Variants in TPCN2 observed in about 807,000 individuals in gnomAD.
The protein encoded by TPCN2 is two pore channel protein 2.
Under a neutral mutation model 111.4 loss-of-function variants are expected in TPCN2, and 92 were observed. That is an observed-to-expected ratio of 0.83 (90% CI 0.70 to 0.98). TPCN2 has a LOEUF of 0.98. Ranked by LOEUF, TPCN2 falls within the 50% of genes least tolerant of loss-of-function variation. The probability of loss-of-function intolerance (pLI) is 0.00; values close to 1 mark genes in which losing one functional copy is unlikely to be tolerated. For synonymous variants in TPCN2, 405 were observed against 414.5 expected, an observed-to-expected ratio of 0.98 and a Z score of 0.28; for missense variants, 995 against 980.1, an observed-to-expected ratio of 1.02 and a Z score of -0.20.
rs770473932 is a variant in TPCN2, at chr11:69,087,258, A to G, written c.2180+52A>G. ...TCTGGCCCCCTGGGATGGGAAGCCA[A>G]GAGCTGGGGGGTGGAGGGGTTGAGG... is the stretch of plus-strand genomic sequence containing the variant. On this transcript the variant is annotated intron_variant, in intron 24 of 24. Coordinates refer to ENST00000294309, the MANE Select transcript of TPCN2 (RefSeq NM_139075.4). 9.0e-6 allele frequency: 14 copies of G among 1,547,146 alleles called. 1 individual carries two copies. In the South Asian group the frequency reaches 1.4e-4, roughly 15 times the overall value.
At chr11:69,053,947 C>A in intron 1 of TPCN2, 86 bp from the exon 2 acceptor site, 1 of 1,187,590 alleles carries the variant, frequency 8.4e-7, no homozygotes, top group Non-Finnish European at 1.2e-6. Context: ...GAACCACAGC[C>A]GGCATCTTTC....
intron 20 of TPCN2, 75 bp downstream of exon 20, chr11:69,085,361 T>G: frequency 7.2e-7 from 1 of 1,391,120 alleles, no homozygotes; most frequent in Non-Finnish European, 1.0e-6. Flanking sequence ...GGCGGTGGCC[T>G]CAGTGGGCTC....
In TPCN2 at chr11:69,088,029, G is replaced by A. The variant is rs1390394188; in HGVS notation, c.*76G>A. On this transcript the variant is annotated 3_prime_UTR_variant, in exon 25 of 25. Transcript: ENST00000294309. The stretch of plus-strand genomic sequence containing the variant: ...CACAGGTGCCCGTCATGGAAGAGGC[G>A]GCCATGCTGTGGCCAGCCAGGCAGG... 13 of 1,347,822 alleles carry A rather than the reference G, an allele frequency of 9.6e-6. No homozygotes were observed. The highest frequency in any genetic ancestry group is 1.5e-5 in the African/African-American group (1 of 68,958). The allele number at this position is 1,347,822 out of a possible 1,614,324, so 83.5% of individuals were successfully genotyped here.
At chr11:69,061,391 T>C (rs1433000532) in intron 5 of TPCN2, among the ~76,000 whole-genome samples, 1 of 152,180 alleles carries the variant, frequency 6.6e-6, no homozygotes, top group African/African-American at 2.4e-5. Flanking sequence ...TTTGGTTTTG[T>C]GCAAGGAGCT....
intron 16 of TPCN2, 76 bp from the exon 17 acceptor site, chr11:69,079,758 C>T (rs2134621780): frequency 2.9e-6 from 4 of 1,400,188 alleles, no homozygotes; most frequent in Middle Eastern, 1.8e-4. Context: ...TAGAGATGAG[C>T]TTTATAATAA....
At chr11:69,082,741 GT>G (rs1280106637) in intron 18 of TPCN2, among the ~76,000 whole-genome samples, 15,236 of 61,832 alleles carry the variant, frequency 0.25, 4,951 homozygotes, top group Middle Eastern at 0.42. Context: ...ACTCGTGCCC[GT>G]GTAAGACGCA....
chr11:69,080,423 C>T (rs1855955719), intron 17 of TPCN2, among the ~76,000 whole-genome samples: 1 of 152,258 alleles, frequency 6.6e-6, no homozygotes, highest in African/African-American at 2.4e-5. Flanking sequence ...GCCCGGGGTT[C>T]TGGCCATGAA....
intron 13 of TPCN2, among the ~76,000 whole-genome samples, 175 bp downstream of exon 13, chr11:69,073,176 G>T (rs150277534): frequency 8.5e-5 from 13 of 152,312 alleles, no homozygotes; most frequent in African/African-American, 2.9e-4. Flanking sequence ...AGACTGGGGA[G>T]ATTTTTATGA....
intron 7 of TPCN2, among the ~76,000 whole-genome samples, chr11:69,067,143 C>T (rs1855307681): frequency 6.6e-6 from 1 of 152,236 alleles, no homozygotes; most frequent in Admixed American, 6.5e-5. Flanking sequence ...TCCTGCCCCT[C>T]CTGCCTCTGC....
intron 10 of TPCN2, 46 bp downstream of exon 10, chr11:69,071,466 G>A (rs1400601969): frequency 3.2e-6 from 5 of 1,562,040 alleles, no homozygotes; most frequent in South Asian, 1.1e-5. Context: ...CTGCCGGGAG[G>A]CCAAGCAGGG....
At chr11:69,066,235 GTGGTCCTGC>G (rs1855267315) in intron 7 of TPCN2, among the ~76,000 whole-genome samples, 1 of 151,900 alleles carries the variant, frequency 6.6e-6, no homozygotes, top group Admixed American at 6.5e-5. Flanking sequence ...ACCCAGTGCT[GTGGTCCTGC>G]CGTCCCCGGT....
At chr11:69,079,907 G>A in intron 17 of TPCN2, 24 bp downstream of exon 17, 1 of 1,612,826 alleles carries the variant, frequency 6.2e-7, no homozygotes, top group Non-Finnish European at 8.5e-7. Flanking sequence ...CAGAACCGAG[G>A]GCGGCTACAG....
chr11:69,054,947 A>G, intron 3 of TPCN2, 150 bp downstream of exon 3: 1 of 904,850 alleles, frequency 1.1e-6, no homozygotes. Context: ...TCTGGAAAGG[A>G]GACGGCCTGT....
Position 69,072,676 on chromosome 11 carries a change from C to G in TPCN2, c.1111C>G (p.Leu371Val). Residue 371 changes from leucine to valine, a missense_variant, in exon 12 of 25, where the codon CTG becomes GTG. Leu to Val is a conservative substitution (Grantham distance 32, BLOSUM62 1). Transcript: ENST00000294309. ...GCTGCAGGTGCTTCAGAAGGTCCAGCTGGACAGCTCCCACAAACAGGCCAT... is the reference window on the plus strand; with the variant it reads ...GCTGCAGGTGCTTCAGAAGGTCCAGGTGGACAGCTCCCACAAACAGGCCAT... Reference protein sequence around the residue: ...NLLQVLQKVQLDSSHKQAMME... With the variant: ...NLLQVLQKVQVDSSHKQAMME... The G allele has an allele frequency of 6.2e-7, 1 of 1,613,856 alleles. No homozygotes were observed. The highest frequency in any genetic ancestry group is 8.5e-7 in the Non-Finnish European group (1 of 1,180,018).
chr11:69,080,461 C>T (rs772340061), intron 17 of TPCN2, among the ~76,000 whole-genome samples: 7 of 152,248 alleles, frequency 4.6e-5, no homozygotes, highest in Non-Finnish European at 1.0e-4. Context: ...GACCCTGGAG[C>T]CTCGTGGCAC....
chr11:69,081,467 T>C lies in TPCN2; in HGVS notation c.1657T>C (p.Phe553Leu), dbSNP rs1379877215. Residue 553 changes from phenylalanine (F) to leucine (L), a missense_variant, in exon 18 of 25, where the codon TTC (phenylalanine) becomes CTC (leucine). By Grantham distance (22) the Phe-to-Leu change is conservative (BLOSUM62 0). Coordinates refer to ENST00000294309, the MANE Select transcript of TPCN2 (RefSeq NM_139075.4). ...CCGCATGCTGAACATGCTCATCGTG[T>C]TCCGCTTCCTGCGTATCATCCCCAG... ...MTRMLNMLIV[F>L]RFLRIIPSMK... 2 of 1,573,870 alleles carry C rather than the reference T, an allele frequency of 1.3e-6. No individual in the cohort carries two copies. Among genetic ancestry groups the C allele is most frequent in the Non-Finnish European group, 8.6e-7 (1 of 1,159,400 alleles).
chr11:69,068,355 C>T (rs76159363), intron 8 of TPCN2, among the ~76,000 whole-genome samples: 5 of 107,250 alleles, frequency 4.7e-5, no homozygotes, highest in Non-Finnish European at 7.9e-5. Flanking sequence ...GGAGCAGGAC[C>T]GTCTGAGTCC....
At chr11:69,064,822 A>C (rs1855192246) in intron 7 of TPCN2, among the ~76,000 whole-genome samples, 1 of 152,018 alleles carries the variant, frequency 6.6e-6, no homozygotes, top group South Asian at 2.1e-4. Context: ...TGGAGTCTGC[A>C]TGTCTGTGTG....
chr11:69,056,923 C>T (rs11228466), intron 4 of TPCN2, among the ~76,000 whole-genome samples: 5,984 of 152,012 alleles, frequency 0.039, 353 homozygotes, highest in African/African-American at 0.13. Context: ...CTGCAACCTT[C>T]GCCTCCTGGG....
Sources: allele counts gnomAD v4.1 joint callset (sites outside exome capture counted in the v4.1 genomes callset), GRCh38; gene constraint gnomAD v4.1.1; transcripts MANE v1.5; gene names NCBI Gene and HGNC (gene_info 2026-07-23, HGNC 2026-07-21).